CRTAM: variants seen among roughly 807,000 people sequenced by gnomAD.
CRTAM encodes cytotoxic and regulatory T cell molecule.
In CRTAM, 44 loss-of-function variants were observed where a neutral mutation model predicts 50.0. That is an observed-to-expected ratio of 0.88 (90% confidence interval 0.69 to 1.13). The LOEUF is 1.13. Among genes scored for constraint, CRTAM ranks in the 50% most tolerant of loss-of-function variants. CRTAM has a pLI of 0.00. For synonymous variants in CRTAM, 159 were observed against 169.3 expected (o/e 0.94, Z 0.47); for missense variants, 448 against 457.5 (o/e 0.98, Z 0.19).
chr11:122,863,321 A>AAAAG (rs137934573), intron 6 of CRTAM, among the ~76,000 whole-genome samples: 4,242 of 103,578 alleles, frequency 0.041, 119 homozygotes, highest in African/African-American at 0.068. Flanking sequence ...GAAAGAAAGA[A>AAAAG]AAAGAAAGAA....
rs560107278 is a variant in CRTAM, at chr11:122,854,233, C to A, written c.490+147C>A. The A allele has an allele frequency of 4.8e-5, 36 of 751,168 alleles. No individual in the cohort carries two copies. The African/African-American group carries it at 5.7e-4, about 12-fold the overall frequency. 46.5% of individuals were successfully genotyped at this position (751,168 alleles called of 1,614,324 possible). A position where few individuals can be genotyped will look rare whatever the true frequency, so the allele number is the denominator to read the frequency against. On this transcript the variant is annotated intron_variant, in intron 4 of 9. Transcript: ENST00000227348. Reference sequence around the variant, plus strand: ...CTCTTTTCCAGACAAGTTATTCTTACAACCAATCAATTTTATGCCTTAATC... The same window carrying A: ...CTCTTTTCCAGACAAGTTATTCTTAAAACCAATCAATTTTATGCCTTAATC...
At chr11:122,869,176 G>T (rs1862221587) in intron 9 of CRTAM, among the ~76,000 whole-genome samples, 1 of 152,264 alleles carries the variant, frequency 6.6e-6, no homozygotes, top group Admixed American at 6.5e-5. Flanking sequence ...CTTTTGGGAA[G>T]CCATCCTTGA....
intron 3 of CRTAM, among the ~76,000 whole-genome samples, chr11:122,852,587 G>A (rs771571343): frequency 6.6e-6 from 1 of 152,072 alleles, no homozygotes; most frequent in Non-Finnish European, 1.5e-5. Context: ...CCTGCCATAC[G>A]GTAAAGGCAT....
chr11:122,871,218 G>A, intron 9 of CRTAM, 51 bp from the exon 10 acceptor site: 1 of 1,539,052 alleles, frequency 6.5e-7, no homozygotes, highest in South Asian at 1.3e-5. Context: ...AAGTAAATGG[G>A]TGCAATGTTA....
At chr11:122,847,640 G>C (rs1033238871) in intron 1 of CRTAM, among the ~76,000 whole-genome samples, 4 of 152,150 alleles carry the variant, frequency 2.6e-5, no homozygotes, top group African/African-American at 9.7e-5. Flanking sequence ...CCAGAGGGTG[G>C]GTGGTGATGC....
intron 6 of CRTAM, 107 bp downstream of exon 6, chr11:122,862,651 T>C (rs1862102358): frequency 4.0e-6 from 3 of 741,474 alleles, no homozygotes; most frequent in South Asian, 1.9e-5. Flanking sequence ...TAATTTTTAC[T>C]AAGACCATAC....
Position 122,864,702 on chromosome 11 carries a change from A to T in CRTAM, c.800A>T (p.Asp267Val), listed in dbSNP as rs754019063. 78 of 1,612,710 alleles carry T rather than the reference A, an allele frequency of 4.8e-5. 2 individuals are homozygous for T. In the Admixed American group the frequency reaches 1.3e-3, roughly 27 times the overall value. Residue 267 changes from aspartate to valine, a missense_variant, in exon 7 of 10, where the codon GAT (aspartate) becomes GTT (valine). By Grantham distance (152) the Asp-to-Val change is radical (BLOSUM62 -3). Coordinates refer to ENST00000227348, the MANE Select transcript of CRTAM (RefSeq NM_019604.4). ...GAAGAGAAAGAACAAACCACTCAAG[A>T]TCCTGACTTGACCACCGGTAAGTGT... ...DKEEKEQTTQ[D>V]PDLTTEANPQ...
At chr11:122,854,137 G>A (rs375720394) in intron 4 of CRTAM, 51 bp downstream of exon 4, 4 of 1,584,610 alleles carry the variant, frequency 2.5e-6, no homozygotes, top group South Asian at 1.2e-5. Flanking sequence ...AAATTTCCAG[G>A]GGATTTTTAA....
intron 5 of CRTAM, among the ~76,000 whole-genome samples, chr11:122,857,129 G>A (rs1431658091): frequency 2.6e-5 from 4 of 152,286 alleles, no homozygotes; most frequent in South Asian, 2.1e-4. Flanking sequence ...CCACCTTTAC[G>A]GCTATAGCTC....
At chr11:122,839,181 C>T (rs559672632) in intron 1 of CRTAM, among the ~76,000 whole-genome samples, 1 of 152,288 alleles carries the variant, frequency 6.6e-6, no homozygotes, top group African/African-American at 2.4e-5. Flanking sequence ...ATCTGCCCAC[C>T]TCAGCCTCCC....
chr11:122,851,714 A>G lies in CRTAM; in HGVS notation c.215A>G (p.Gln72Arg), dbSNP rs1861931876. The change falls in exon 3 of 10, where the codon CAG becomes CGG. Residue 72 changes from glutamine to arginine, a missense_variant. Gln to Arg is a conservative substitution (Grantham distance 43, BLOSUM62 1). Coordinates refer to ENST00000227348, the MANE Select transcript of CRTAM (RefSeq NM_019604.4). ...EYPALKNSKYQLLHHSANQLS... is the reference protein window; with the variant it reads ...EYPALKNSKYRLLHHSANQLS... ...ACAGCTTTAAAAAATTCCAAATACCAGCTTCTTCATCACTCGGCCAATCAG... is the reference window on the plus strand; with the variant it reads ...ACAGCTTTAAAAAATTCCAAATACCGGCTTCTTCATCACTCGGCCAATCAG... 1.2e-6 allele frequency: 2 copies of G among 1,613,990 alleles called. No individual in the cohort carries two copies. The highest frequency in any genetic ancestry group is 1.1e-5 in the South Asian group (1 of 91,082).
In CRTAM at chr11:122,850,070, G is replaced by A. The variant is rs1861911105; in HGVS notation, c.49G>A (p.Ala17Thr). ...TCCCCATTTCTCTTCCTCCACAGAG[G>A]CCTCTCTGACTAACCACACAGAAAC... is the stretch of plus-strand genomic sequence containing the variant. ...SLLAWFPLQE[A>T]SLTNHTETIT... Residue 17 changes from alanine to threonine, a missense_variant and splice_region_variant, in exon 2 of 10, where the codon GCC becomes ACC. Coordinates refer to ENST00000227348, the MANE Select transcript of CRTAM (RefSeq NM_019604.4). 1.2e-5 allele frequency: 19 copies of A among 1,604,050 alleles called. No individual in the cohort carries two copies. The highest frequency in any genetic ancestry group is 1.5e-5 in the Non-Finnish European group (18 of 1,173,508).
chr11:122,849,592 C>T (rs550274556), intron 1 of CRTAM, among the ~76,000 whole-genome samples: 28 of 152,032 alleles, frequency 1.8e-4, no homozygotes, highest in Non-Finnish European at 3.4e-4. Flanking sequence ...CTTGGTGGTA[C>T]GTGTCTGTAA....
chr11:122,855,175 C>G (rs1861989137), intron 4 of CRTAM, among the ~76,000 whole-genome samples: 1 of 152,162 alleles, frequency 6.6e-6, no homozygotes, highest in African/African-American at 2.4e-5. Flanking sequence ...AACCCCTGAC[C>G]TCAGGTGTTC....
chr11:122,869,297 GCTA>G (rs1862222879), intron 9 of CRTAM, among the ~76,000 whole-genome samples: 1 of 152,148 alleles, frequency 6.6e-6, no homozygotes, highest in Non-Finnish European at 1.5e-5. Context: ...TTTTTACATA[GCTA>G]CTACAATACT....
intron 1 of CRTAM, among the ~76,000 whole-genome samples, chr11:122,840,403 A>C (rs1301097014): frequency 6.6e-6 from 1 of 152,064 alleles, no homozygotes; most frequent in Non-Finnish European, 1.5e-5. Flanking sequence ...TATTTATTTC[A>C]TGAAACTTCT....
At chr11:122,868,132 A>G (rs772920659) in intron 9 of CRTAM, 33 bp downstream of exon 9, 9 of 1,325,004 alleles carry the variant, frequency 6.8e-6, no homozygotes, top group Non-Finnish European at 9.8e-6. Context: ...GATCTGAACA[A>G]TGAGGTTCAT....
At chr11:122,844,803 G>A (rs1391468408) in intron 1 of CRTAM, among the ~76,000 whole-genome samples, 1 of 152,188 alleles carries the variant, frequency 6.6e-6, no homozygotes, top group Non-Finnish European at 1.5e-5. Context: ...TTCAAATCTT[G>A]GCTCAAAAGC....
intron 6 of CRTAM, among the ~76,000 whole-genome samples, chr11:122,863,922 CA>C (rs1199552369): frequency 7.9e-5 from 12 of 151,514 alleles, no homozygotes; most frequent in African/African-American, 2.4e-4. Context: ...TGGCGCTGTG[CA>C]ATGGACTAAA....
Sources: gnomAD v4.1 joint callset for allele counts (sites outside exome capture counted in the v4.1 genomes callset) on GRCh38, gnomAD v4.1.1 for gene constraint, MANE v1.5 for transcripts, NCBI Gene and HGNC (gene_info 2026-07-23, HGNC 2026-07-21) for gene names.